Variants in PCDH15 observed in about 807,000 individuals in gnomAD.
The protein encoded by PCDH15 is protocadherin-15.
A neutral mutation model predicts 178.5 loss-of-function variants in PCDH15; 129 were observed. The observed-to-expected ratio is 0.72, with a 90% CI of 0.63 to 0.84. PCDH15 has a LOEUF of 0.84. Among genes scored for constraint, PCDH15 ranks in the 40% least tolerant of loss-of-function variants. The probability of loss-of-function intolerance (pLI) is 0.00; values close to 1 mark genes in which losing one functional copy is unlikely to be tolerated. For missense variants in PCDH15, 2,230 were observed against 2,099.9 expected, an observed-to-expected ratio of 1.06 and a Z score of -1.21; for synonymous variants, 800 against 732.0, an observed-to-expected ratio of 1.09 and a Z score of -1.50.
chr10:54,706,179 T>C (rs2132293432), intron 1 of PCDH15, among the ~76,000 whole-genome samples: 1 of 152,290 alleles, frequency 6.6e-6, no homozygotes, highest in Non-Finnish European at 1.5e-5. Flanking sequence ...TAAAATGCAT[T>C]TGATATTCCA....
At chr10:54,094,937 A>C (rs2094673196) in intron 15 of PCDH15, among the ~76,000 whole-genome samples, 1 of 152,192 alleles carries the variant, frequency 6.6e-6, no homozygotes, top group South Asian at 2.1e-4. Flanking sequence ...AGACACTGGC[A>C]AATGGAAAAT....
chr10:54,875,094 G>A (rs575604144), intron 3 of PCDH15, among the ~76,000 whole-genome samples: 11 of 152,258 alleles, frequency 7.2e-5, no homozygotes, highest in African/African-American at 2.4e-4. Flanking sequence ...AACTCTATCA[G>A]TGCTATTTTT....
chr10:55,495,571 G>T (rs1840514485), intron 2 of PCDH15, among the ~76,000 whole-genome samples: 1 of 151,786 alleles, frequency 6.6e-6, no homozygotes, highest in African/African-American at 2.4e-5. Context: ...CACTAGCATG[G>T]TTGTATTCAA....
At chr10:54,502,138 A>T (rs928018854) in intron 3 of PCDH15, among the ~76,000 whole-genome samples, 1 of 152,008 alleles carries the variant, frequency 6.6e-6, no homozygotes, top group African/African-American at 2.4e-5. Context: ...TTAAATTCAA[A>T]CATTTGGTCA....
intron 8 of PCDH15, among the ~76,000 whole-genome samples, chr10:54,256,098 T>C (rs2056876595): frequency 1.3e-5 from 2 of 152,170 alleles, no homozygotes; most frequent in African/African-American, 2.4e-5. Flanking sequence ...GCCACCAGCC[T>C]GCTCCCACTG....
At chr10:54,225,461 C>T (rs1242147721) in intron 9 of PCDH15, among the ~76,000 whole-genome samples, 1 of 152,182 alleles carries the variant, frequency 6.6e-6, no homozygotes, top group South Asian at 2.1e-4. Context: ...TAGAACGTCT[C>T]TCTGATGTGT....
chr10:54,974,617 C>G (rs1022318332), intron 2 of PCDH15, among the ~76,000 whole-genome samples: 45 of 151,868 alleles, frequency 3.0e-4, no homozygotes, highest in African/African-American at 1.0e-3. Context: ...AATTCCCTGG[C>G]CTTCTCTTCT....
Position 54,237,495 on chromosome 10 carries a change from T to TA in PCDH15, c.877-565dup, listed in dbSNP as rs546173099. On this transcript the variant is annotated intron_variant, in intron 8 of 37. Transcript: ENST00000644397. ...ACAATGGTCTATAAGAAATAATGTT[T>TA]AAAATTATAATATACTTCTTTAATT... 1.5e-3 allele frequency among the ~76,000 whole-genome samples: 231 copies of TA among 152,336 alleles called. 1 individual carries two copies. The highest frequency in any genetic ancestry group is 5.1e-3 in the African/African-American group (211 of 41,586).
intron 21 of PCDH15, among the ~76,000 whole-genome samples, chr10:53,983,375 A>C (rs1206699694): frequency 1.3e-5 from 2 of 150,716 alleles, no homozygotes; most frequent in South Asian, 2.1e-4. Context: ...AAAAAAAAAA[A>C]CAGCAGGCGG....
intron 3 of PCDH15, among the ~76,000 whole-genome samples, chr10:54,460,511 G>A (rs2077100081): frequency 6.6e-6 from 1 of 152,020 alleles, no homozygotes; most frequent in African/African-American, 2.4e-5. Flanking sequence ...CAAACAAGAT[G>A]CTAATGCAAC....
Position 54,774,007 on chromosome 10 carries a change from C to CT in PCDH15, c.-29+26917dup, listed in dbSNP as rs763704132. The stretch of plus-strand genomic sequence containing the variant: ...TAGATGAACTGGCATACTTCATAGG[C>CT]TTTTTTTTTTTTTTTTTTTTTTTTT... On this transcript the variant is annotated intron_variant, in intron 1 of 37. Transcript: ENST00000644397. Among the ~76,000 whole-genome samples the CT allele has an allele frequency of 5.6e-4, 42 of 75,378 alleles. 5 individuals carry two copies. The highest frequency in any genetic ancestry group is 8.2e-4 in the African/African-American group (18 of 21,836). 49.5% of individuals were successfully genotyped at this position (75,378 alleles called of 152,430 possible).
Position 54,585,074 on chromosome 10 carries a change from T to C in PCDH15, c.92-57197A>G, listed in dbSNP as rs144292697. Reference sequence around the variant, plus strand: ...ACAATATACAAATAACATTTTAGTATATAAATTGGCTCAAGAAAGTCATTT... The same window carrying C: ...ACAATATACAAATAACATTTTAGTACATAAATTGGCTCAAGAAAGTCATTT... On this transcript the variant is annotated intron_variant, in intron 2 of 37. Coordinates refer to ENST00000644397, the MANE Select transcript of PCDH15 (RefSeq NM_001384140.1). Among the ~76,000 whole-genome samples the C allele has an allele frequency of 6.1e-3, 929 of 152,272 alleles. 3 individuals are homozygous for C. The highest frequency in any genetic ancestry group is 0.01 in the Non-Finnish European group (681 of 68,020).
intron 14 of PCDH15, among the ~76,000 whole-genome samples, chr10:54,134,064 G>A (rs1036398164): frequency 7.4e-6 from 1 of 134,718 alleles, no homozygotes; most frequent in African/African-American, 2.6e-5. Context: ...ATTTATTTGA[G>A]ACGGAGAGTT....
intron 13 of PCDH15, among the ~76,000 whole-genome samples, chr10:54,162,946 A>C (rs10509006): frequency 6.6e-6 from 1 of 151,024 alleles, no homozygotes; most frequent in Middle Eastern, 3.4e-3. Context: ...TTGCCTCACC[A>C]GATGTGTTTA....
At chr10:55,170,491 C>T (rs1302017014) in intron 1 of PCDH15, among the ~76,000 whole-genome samples, 1 of 152,058 alleles carries the variant, frequency 6.6e-6, no homozygotes, top group Non-Finnish European at 1.5e-5. Flanking sequence ...ACCACTACCA[C>T]CCCCTTTTCC....
chr10:55,400,461 T>G, intron 2 of PCDH15, among the ~76,000 whole-genome samples: 1 of 152,170 alleles, frequency 6.6e-6, no homozygotes, highest in East Asian at 1.9e-4. Context: ...ACATATTCAC[T>G]ACATTTAGAA....
chr10:55,578,236 G>C (rs1842533534), intron 2 of PCDH15, among the ~76,000 whole-genome samples: 1 of 150,938 alleles, frequency 6.6e-6, no homozygotes, highest in Non-Finnish European at 1.5e-5. Context: ...TTATTTTTTT[G>C]AGACGGAGTC....
chr10:54,633,320 G>C (rs893705989), intron 2 of PCDH15, among the ~76,000 whole-genome samples: 1 of 152,032 alleles, frequency 6.6e-6, no homozygotes, highest in African/African-American at 2.4e-5. Flanking sequence ...AGGGATGTTG[G>C]GTTGTAGGCA....
At chr10:54,730,026 A>C (rs1015506234) in intron 1 of PCDH15, among the ~76,000 whole-genome samples, 1 of 151,474 alleles carries the variant, frequency 6.6e-6, no homozygotes, top group African/African-American at 2.4e-5. Context: ...ACAATCATTC[A>C]ACCCAGCAAT....
Sources: gnomAD v4.1 joint callset for allele counts (sites outside exome capture counted in the v4.1 genomes callset) on GRCh38, gnomAD v4.1.1 for gene constraint, MANE v1.5 for transcripts, NCBI Gene and HGNC (gene_info 2026-07-23, HGNC 2026-07-21) for gene names.